Variants in PTK2 observed in about 807,000 individuals in gnomAD.
PTK2 encodes focal adhesion kinase 1.
PTK2 carries 45 observed loss-of-function variants against 150.1 expected under a neutral mutation model. The ratio of observed to expected loss-of-function variants is 0.30; its 90% confidence interval spans 0.24 to 0.38. PTK2 has a LOEUF of 0.38. PTK2 is among the 10% of genes least tolerant of loss of function. PTK2 has a pLI of 1.00. For synonymous variants in PTK2, 432 were observed against 449.2 expected (o/e 0.96, Z 0.48); for missense variants, 919 against 1,307.3 (o/e 0.70, Z 4.58).
At chr8:140,962,873 T>TCC (rs548834893) in intron 1 of PTK2, among the ~76,000 whole-genome samples, 1 of 142,070 alleles carries the variant, frequency 7.0e-6, no homozygotes, top group South Asian at 2.3e-4. Flanking sequence ...CCCTTGTAGG[T>TCC]CCCCCCCCCC....
At chr8:140,865,634 CA>C (rs2100138858) in intron 4 of PTK2, among the ~76,000 whole-genome samples, 1 of 152,258 alleles carries the variant, frequency 6.6e-6, no homozygotes, top group Non-Finnish European at 1.5e-5. Context: ...ACAAAATTGC[CA>C]AACAATTCGG....
chr8:140,719,393 T>C (rs1170510198), intron 22 of PTK2, among the ~76,000 whole-genome samples: 1 of 152,090 alleles, frequency 6.6e-6, no homozygotes, highest in Non-Finnish European at 1.5e-5. Flanking sequence ...GTTGGGAACC[T>C]GGTCCCATGT....
intron 1 of PTK2, among the ~76,000 whole-genome samples, chr8:140,991,590 C>A (rs2100195710): frequency 6.6e-6 from 1 of 152,198 alleles, no homozygotes; most frequent in Admixed American, 6.5e-5. Context: ...GTCAAGAAGA[C>A]AACATACACA....
intron 1 of PTK2, among the ~76,000 whole-genome samples, chr8:140,962,677 G>C (rs1647069553): frequency 6.6e-6 from 1 of 152,028 alleles, no homozygotes; most frequent in South Asian, 2.1e-4. Context: ...AGCTACTCGG[G>C]AGGCTGAGGC....
intron 4 of PTK2, among the ~76,000 whole-genome samples, chr8:140,866,137 A>G (rs1464974318): frequency 6.6e-6 from 1 of 152,226 alleles, no homozygotes; most frequent in African/African-American, 2.4e-5. Context: ...GGAGAAAGGT[A>G]TAATTATTCG....
At chr8:140,744,266 GT>G (rs796178266) in intron 19 of PTK2, among the ~76,000 whole-genome samples, 5 of 152,228 alleles carry the variant, frequency 3.3e-5, no homozygotes, top group African/African-American at 1.2e-4. Flanking sequence ...GTCCTGGAGA[GT>G]TCCAGGACAA....
chr8:140,673,351 G>A (rs944171630), intron 29 of PTK2, among the ~76,000 whole-genome samples: 1 of 151,782 alleles, frequency 6.6e-6, no homozygotes, highest in African/African-American at 2.4e-5. Flanking sequence ...CTTGTGATCC[G>A]CCCGTCTTGG....
At chr8:140,979,991 A>G (rs180675853) in intron 1 of PTK2, among the ~76,000 whole-genome samples, 2 of 152,366 alleles carry the variant, frequency 1.3e-5, no homozygotes, top group Admixed American at 6.5e-5. Context: ...TAGTGGTGAT[A>G]TAAATTGGTA....
chr8:140,815,323 C>T (rs2100104069), intron 10 of PTK2, among the ~76,000 whole-genome samples: 1 of 151,806 alleles, frequency 6.6e-6, no homozygotes, highest in Admixed American at 6.6e-5. Flanking sequence ...AAACTAAATA[C>T]TGCATCTTTT....
chr8:140,940,473 G>A (rs2100175295), intron 1 of PTK2: 3 of 152,002 alleles, frequency 2.0e-5, no homozygotes, highest in Admixed American at 1.3e-4. Flanking sequence ...AAAGAGTCAT[G>A]ACTATATATT....
intron 1 of PTK2, among the ~76,000 whole-genome samples, chr8:140,971,908 T>C (rs906817356): frequency 3.4e-4 from 52 of 152,162 alleles, no homozygotes; most frequent in Admixed American, 2.8e-3. Flanking sequence ...TAACCACCAA[T>C]AGGAAGTGAT....
intron 1 of PTK2, among the ~76,000 whole-genome samples, chr8:140,935,927 G>C (rs1202218555): frequency 6.6e-6 from 1 of 151,966 alleles, no homozygotes; most frequent in Non-Finnish European, 1.5e-5. Flanking sequence ...GATTACAGGT[G>C]TAAGCCACCA....
At chr8:140,757,198 T>G (rs1026824130) in intron 16 of PTK2, among the ~76,000 whole-genome samples, 1 of 152,168 alleles carries the variant, frequency 6.6e-6, no homozygotes, top group Non-Finnish European at 1.5e-5. Context: ...AGCTCAGAGA[T>G]AATTTAGTTA....
intron 1 of PTK2, among the ~76,000 whole-genome samples, chr8:140,968,774 G>A (rs904176946): frequency 2.6e-5 from 4 of 152,160 alleles, no homozygotes; most frequent in African/African-American, 9.7e-5. Flanking sequence ...ATGATATATG[G>A]TAAGGGCCAT....
chr8:140,945,370 A>G (rs1163600155), intron 1 of PTK2, among the ~76,000 whole-genome samples: 1 of 152,168 alleles, frequency 6.6e-6, no homozygotes, highest in Non-Finnish European at 1.5e-5. Context: ...GGATCACTTG[A>G]GCCCAGGAGT....
At chr8:140,703,207 G>T (rs926980639) in intron 24 of PTK2, among the ~76,000 whole-genome samples, 113 of 152,018 alleles carry the variant, frequency 7.4e-4, no homozygotes, top group African/African-American at 2.6e-3. Context: ...AGCTTGCAGT[G>T]AGCCGAGATC....
At chr8:140,758,620 T>A (rs1045935630) in intron 16 of PTK2, among the ~76,000 whole-genome samples, 2 of 152,104 alleles carry the variant, frequency 1.3e-5, no homozygotes, top group African/African-American at 4.8e-5. Context: ...TGTGTTTGTG[T>A]CTTAGTTAAG....
chr8:140,961,008 A>T (rs2100182984), intron 1 of PTK2, among the ~76,000 whole-genome samples: 1 of 152,216 alleles, frequency 6.6e-6, no homozygotes, highest in Non-Finnish European at 1.5e-5. Flanking sequence ...TTATAGATAA[A>T]GAGCACTTTT....
At chr8:140,739,133 A>AT (rs772885595) in intron 20 of PTK2, 26 bp from the exon 24 acceptor site, 2 of 1,465,058 alleles carry the variant, frequency 1.4e-6, no homozygotes, top group Admixed American at 4.2e-5. Flanking sequence ...TAGAAAATAA[A>AT]TTTTCCTTGT....
Sources: allele counts gnomAD v4.1 joint callset (sites outside exome capture counted in the v4.1 genomes callset), GRCh38; gene constraint gnomAD v4.1.1; transcripts MANE v1.5; gene names NCBI Gene and HGNC (gene_info 2026-07-23, HGNC 2026-07-21).